OR4K2: variants seen among roughly 807,000 people sequenced by gnomAD.
OR4K2 encodes olfactory receptor 4K2.
In OR4K2, 8 loss-of-function variants were observed where a neutral mutation model predicts 10.5. The ratio of observed to expected loss-of-function variants is 0.76; its 90% CI spans 0.45 to 1.37. The LOEUF is 1.37. Ranked by LOEUF, OR4K2 falls within the 40% of genes most tolerant of loss-of-function variation. The pLI, the probability that OR4K2 is intolerant of heterozygous loss-of-function variation, is 0.00. For synonymous variants in OR4K2, 178 were observed against 133.6 expected, an observed-to-expected ratio of 1.33 and a Z score of -2.29; for missense variants, 547 against 379.5, an observed-to-expected ratio of 1.44 and a Z score of -3.67.
intron 1 of OR4K2, 24 bp from the exon 2 acceptor site, chr14:19,876,214 CTTTTTTT>C (rs35601631): frequency 3.7e-4 from 239 of 641,748 alleles, no homozygotes; most frequent in East Asian, 5.0e-4. Context: ...TCTGACTTTC[CTTTTTTT>C]TTTTTTTTTT....
In OR4K2 at chr14:19,876,934, GT is replaced by G; in HGVS notation, c.669del (p.Thr224LeufsTer2). ...ATTTAATTCATATGTTATTGTCCTG[GT>G]TACTGTGAAGCATCATTCTTCCAGA... The part of the protein sequence containing the change: ...VLFNSYVIVL[V>X]TVKHHSSRGS... On this transcript the variant is annotated frameshift_variant, in exon 2 of 2. Transcript: ENST00000641885. LOFTEE classifies it high-confidence loss of function. 6.2e-7 allele frequency: 1 copy of G among 1,614,048 alleles called. No individual in the cohort carries two copies. Among genetic ancestry groups the G allele is most frequent in the Non-Finnish European group, 8.5e-7 (1 of 1,179,976 alleles).
rs2138532853 is a variant in OR4K2, at chr14:19,879,291, A to G, written c.*2079A>G. The G allele has an allele frequency of 6.6e-6, 1 of 152,322 alleles. No homozygotes were observed. The highest frequency in any genetic ancestry group is 2.1e-4 in the South Asian group (1 of 4,830). 9.4% of individuals were successfully genotyped at this position (152,322 alleles called of 1,614,324 possible). On this transcript the variant is annotated 3_prime_UTR_variant, in exon 2 of 2. Transcript: ENST00000641885. ...TGTTATATAAACACTTAAAAATCTTAGTTAGGACTTTAGGACTCATGGTGG... is the reference window on the plus strand; with the variant it reads ...TGTTATATAAACACTTAAAAATCTTGGTTAGGACTTTAGGACTCATGGTGG...
In OR4K2 at chr14:19,877,769, TA is replaced by T. The variant is rs554736587; in HGVS notation, c.*561del. 130 of 152,782 alleles carry T rather than the reference TA, an allele frequency of 8.5e-4. No individual in the cohort carries two copies. Among genetic ancestry groups the T allele is most frequent in the African/African-American group, 3.0e-3 (123 of 41,560 alleles). The allele number at this position is 152,782 out of a possible 1,614,324, so 9.5% of individuals were successfully genotyped here. A position where few individuals can be genotyped will look rare whatever the true frequency, so the allele number is the denominator to read the frequency against. Reference sequence around the variant, plus strand: ...TTATTTCGAATGTTAATGACGTCCATAAAATTGCCGTAAGTGTAGCAATCTT... The same window carrying T: ...TTATTTCGAATGTTAATGACGTCCATAAATTGCCGTAAGTGTAGCAATCTT... On this transcript the variant is annotated 3_prime_UTR_variant, in exon 2 of 2. Transcript: ENST00000641885.
In OR4K2 at chr14:19,881,567, T is replaced by C. The variant is rs1881036789; in HGVS notation, c.*4355T>C. On this transcript the variant is annotated 3_prime_UTR_variant, in exon 2 of 2. Coordinates refer to ENST00000641885, the MANE Select transcript of OR4K2 (RefSeq NM_001005501.2). ...ATACTATAGTTTCATTTTTATTTTT[T>C]ACTCTGATAATTTACACTGCCAATA... 1 of 152,078 alleles carries C rather than the reference T, an allele frequency of 6.6e-6. No homozygotes were observed. Among genetic ancestry groups the C allele is most frequent in the African/African-American group, 2.4e-5 (1 of 41,394 alleles). The allele number at this position is 152,078 out of a possible 1,614,324, so 9.4% of individuals were successfully genotyped here.
Position 19,876,552 on chromosome 14 carries a change from T to A in OR4K2, c.285T>A (p.Asp95Glu). ...YLTGHKTISF[D>E]GCLTQIFFLH... ...CAGGTCACAAAACCATCTCTTTTGA[T>A]GGCTGCCTTACCCAGATATTCTTTC... Residue 95 changes from aspartate (D) to glutamate (E), a missense_variant, in exon 2 of 2, where the codon GAT (aspartate) becomes GAA (glutamate). Asp to Glu is a conservative substitution (Grantham distance 45). Coordinates refer to ENST00000641885, the MANE Select transcript of OR4K2 (RefSeq NM_001005501.2). The A allele has an allele frequency of 6.2e-7, 1 of 1,614,224 alleles. No homozygotes were observed.
chr14:19,876,976 C>G lies in OR4K2; in HGVS notation c.709C>G (p.Leu237Val), dbSNP rs555980407. 1 of 1,614,000 alleles carries G rather than the reference C, an allele frequency of 6.2e-7. No homozygotes were observed. Among genetic ancestry groups the G allele is most frequent in the African/African-American group, 1.3e-5 (1 of 75,034 alleles). The change falls in exon 2 of 2, where the codon CTT becomes GTT. Residue 237 changes from leucine (L) to valine (V), a missense_variant. Transcript: ENST00000641885. ...HHSSRGSSKA[L>V]STCTAHFIVV... ...TTCTTCCAGAGGATCATCTAAGGCC[C>G]TTTCTACTTGTACAGCTCATTTCAT...
At position 19,881,426 on chromosome 14, in the gene OR4K2, A is replaced by G. The variant is rs1044478533; in HGVS notation, c.*4214A>G. The G allele has an allele frequency of 6.6e-6, 1 of 152,192 alleles. No homozygotes were observed. The highest frequency in any genetic ancestry group is 1.5e-5 in the Non-Finnish European group (1 of 68,036). The allele number at this position is 152,192 out of a possible 1,614,324, so 9.4% of individuals were successfully genotyped here. A position where few individuals can be genotyped will look rare whatever the true frequency, so the allele number is the denominator to read the frequency against. ...TGAGACTGGAAATGTGACTGGGATC[A>G]TTGATTCATGTATTCTGTCTCTATT... On this transcript the variant is annotated 3_prime_UTR_variant, in exon 2 of 2. Coordinates refer to ENST00000641885, the MANE Select transcript of OR4K2 (RefSeq NM_001005501.2).
In OR4K2 at chr14:19,878,354, A is replaced by T. The variant is rs971273109; in HGVS notation, c.*1142A>T. On this transcript the variant is annotated 3_prime_UTR_variant, in exon 2 of 2. Coordinates refer to ENST00000641885, the MANE Select transcript of OR4K2 (RefSeq NM_001005501.2). ...TTAACTCTTATTTAGAATTTTCTAA[A>T]TGATATTGATAAAATATAGTGTCTT... The T allele has an allele frequency of 5.9e-5, 9 of 152,214 alleles. No homozygotes were observed. Among genetic ancestry groups the T allele is most frequent in the Non-Finnish European group, 1.2e-4 (8 of 68,014 alleles). 9.4% of individuals were successfully genotyped at this position (152,214 alleles called of 1,614,324 possible). A position where few individuals can be genotyped will look rare whatever the true frequency, so the allele number is the denominator to read the frequency against.
At position 19,882,534 on chromosome 14, in the gene OR4K2, C is replaced by T. The variant is rs1200312871; in HGVS notation, c.*5322C>T. ...GCTTAATGAAATATTACAAGGCAAA[C>T]ACCATTATAATCACATTTCAAGTCA... On this transcript the variant is annotated 3_prime_UTR_variant, in exon 2 of 2. Coordinates refer to ENST00000641885, the MANE Select transcript of OR4K2 (RefSeq NM_001005501.2). 6.6e-6 allele frequency: 1 copy of T among 152,194 alleles called. No individual in the cohort carries two copies. The highest frequency in any genetic ancestry group is 1.5e-5 in the Non-Finnish European group (1 of 68,034). 9.4% of individuals were successfully genotyped at this position (152,194 alleles called of 1,614,324 possible).
In OR4K2 at chr14:19,881,127, T is replaced by A. The variant is rs565305618; in HGVS notation, c.*3915T>A. 2 of 152,256 alleles carry A rather than the reference T, an allele frequency of 1.3e-5. No individual in the cohort carries two copies. Among genetic ancestry groups the A allele is most frequent in the Non-Finnish European group, 2.9e-5 (2 of 68,034 alleles). 9.4% of individuals were successfully genotyped at this position (152,256 alleles called of 1,614,324 possible). A position where few individuals can be genotyped will look rare whatever the true frequency, so the allele number is the denominator to read the frequency against. On this transcript the variant is annotated 3_prime_UTR_variant, in exon 2 of 2. Coordinates refer to ENST00000641885, the MANE Select transcript of OR4K2 (RefSeq NM_001005501.2). ...AGAGAGTTGGAGTAATCCTCCTATT[T>A]CCCTATTCTTTCCCTGATATTATTT...
At position 19,881,135 on chromosome 14, in the gene OR4K2, CTTTCCCTGATATTATTTTG is replaced by C. The variant is rs1401880944; in HGVS notation, c.*3924_*3942del. The C allele has an allele frequency of 1.3e-5, 2 of 152,236 alleles. No individual in the cohort carries two copies. Among genetic ancestry groups the C allele is most frequent in the Non-Finnish European group, 2.9e-5 (2 of 68,024 alleles). 9.4% of individuals were successfully genotyped at this position (152,236 alleles called of 1,614,324 possible). ...GGAGTAATCCTCCTATTTCCCTATT[CTTTCCCTGATATTATTTTG>C]CATGATTTTTGGATGTATATGTCAA... On this transcript the variant is annotated 3_prime_UTR_variant, in exon 2 of 2. Transcript: ENST00000641885.
chr14:19,880,235 G>T lies in OR4K2; in HGVS notation c.*3023G>T, dbSNP rs78451017. ...GTAGTTTTAAAAGTCTTAGACTCTG[G>T]TATCTTTTTTTTTTTTAAACAGTGT... On this transcript the variant is annotated 3_prime_UTR_variant, in exon 2 of 2. Transcript: ENST00000641885. 7.9e-4 allele frequency: 120 copies of T among 152,176 alleles called. 1 individual carries two copies. Among genetic ancestry groups the T allele is most frequent in the African/African-American group, 2.8e-3 (114 of 41,442 alleles). The allele number at this position is 152,176 out of a possible 1,614,324, so 9.4% of individuals were successfully genotyped here.
At chr14:19,876,214 CTTTTTTTT>C in intron 1 of OR4K2, 23 bp from the exon 2 acceptor site, 35 of 637,828 alleles carry the variant, frequency 5.5e-5, no homozygotes, top group East Asian at 9.5e-5. Flanking sequence ...TCTGACTTTC[CTTTTTTTT>C]TTTTTTTTTT....
In OR4K2 at chr14:19,876,955, TC is replaced by T; in HGVS notation, c.690del (p.Arg231GlufsTer32). The T allele has an allele frequency of 6.2e-7, 1 of 1,614,096 alleles. No homozygotes were observed. The highest frequency in any genetic ancestry group is 1.1e-5 in the South Asian group (1 of 91,082). On this transcript the variant is annotated frameshift_variant, in exon 2 of 2. Coordinates refer to ENST00000641885, the MANE Select transcript of OR4K2 (RefSeq NM_001005501.2). LOFTEE classifies it high-confidence loss of function. Reference sequence around the variant, plus strand: ...CCTGGTTACTGTGAAGCATCATTCTTCCAGAGGATCATCTAAGGCCCTTTCT... The same window carrying T: ...CCTGGTTACTGTGAAGCATCATTCTTCAGAGGATCATCTAAGGCCCTTTCT... The part of the protein sequence containing the change: ...IVLVTVKHHS[S>X]RGSSKALSTC...
Position 19,880,537 on chromosome 14 carries a change from T to G in OR4K2, c.*3325T>G, listed in dbSNP as rs1881011710. Reference sequence around the variant, plus strand: ...GTTTAATTTAAAAGGTAAATTTTCATTTATATGTTTTAAATATTCATGTCT... The same window carrying G: ...GTTTAATTTAAAAGGTAAATTTTCAGTTATATGTTTTAAATATTCATGTCT... On this transcript the variant is annotated 3_prime_UTR_variant, in exon 2 of 2. Coordinates refer to ENST00000641885, the MANE Select transcript of OR4K2 (RefSeq NM_001005501.2). 1 of 152,258 alleles carries G rather than the reference T, an allele frequency of 6.6e-6. No individual in the cohort carries two copies. The highest frequency in any genetic ancestry group is 1.5e-5 in the Non-Finnish European group (1 of 68,038). 9.4% of individuals were successfully genotyped at this position (152,258 alleles called of 1,614,324 possible).
In OR4K2 at chr14:19,882,829, CT is replaced by C. The variant is rs369726984; in HGVS notation, c.*5633del. 14,205 of 121,900 alleles carry C rather than the reference CT, an allele frequency of 0.12. 362 individuals are homozygous for C. The highest frequency in any genetic ancestry group is 0.17 in the Middle Eastern group (42 of 242). 7.6% of individuals were successfully genotyped at this position (121,900 alleles called of 1,614,324 possible). A position where few individuals can be genotyped will look rare whatever the true frequency, so the allele number is the denominator to read the frequency against. On this transcript the variant is annotated 3_prime_UTR_variant, in exon 2 of 2. Transcript: ENST00000641885. The stretch of plus-strand genomic sequence containing the variant: ...TTATCTTTCTTTTTCTTTTTTTTTT[CT>C]TTTTTTTTTTTTTTTGAGACGGAGT...
In OR4K2 at chr14:19,881,242, C is replaced by G. The variant is rs1055001906; in HGVS notation, c.*4030C>G. The G allele has an allele frequency of 5.3e-5, 8 of 152,240 alleles. No homozygotes were observed. Among genetic ancestry groups the G allele is most frequent in the African/African-American group, 1.9e-4 (8 of 41,470 alleles). The allele number at this position is 152,240 out of a possible 1,614,324, so 9.4% of individuals were successfully genotyped here. On this transcript the variant is annotated 3_prime_UTR_variant, in exon 2 of 2. Coordinates refer to ENST00000641885, the MANE Select transcript of OR4K2 (RefSeq NM_001005501.2). ...AATTCATGTGAACTTCTTGCATGTA[C>G]TCTCAGATGCCAATGAAATCCGCTA...
Position 19,877,309 on chromosome 14 carries a change from C to G in OR4K2, c.*97C>G. On this transcript the variant is annotated 3_prime_UTR_variant, in exon 2 of 2. Coordinates refer to ENST00000641885, the MANE Select transcript of OR4K2 (RefSeq NM_001005501.2). Reference sequence around the variant, plus strand: ...TAATTGCCAAGAATTTGTGAGGGCTCAAGTTCAGTGCATTTTGAAACTATT... The same window carrying G: ...TAATTGCCAAGAATTTGTGAGGGCTGAAGTTCAGTGCATTTTGAAACTATT... 2 of 824,034 alleles carry G rather than the reference C, an allele frequency of 2.4e-6. No individual in the cohort carries two copies. The highest frequency in any genetic ancestry group is 3.5e-5 in the African/African-American group (2 of 57,534). 51.0% of individuals were successfully genotyped at this position (824,034 alleles called of 1,614,324 possible). A position where few individuals can be genotyped will look rare whatever the true frequency, so the allele number is the denominator to read the frequency against.
rs1881050116 is a variant in OR4K2 at position 19,882,059 on chromosome 14, TTCCA to T, written c.*4848_*4851del. ...GGAGGCTGCAACTGGAGCTATTGTG[TTCCA>T]GAGCACATTACCCCAGTAATGTGAT... is the stretch of plus-strand genomic sequence containing the variant. On this transcript the variant is annotated 3_prime_UTR_variant, in exon 2 of 2. Coordinates refer to ENST00000641885, the MANE Select transcript of OR4K2 (RefSeq NM_001005501.2). The T allele has an allele frequency of 6.6e-6, 1 of 152,256 alleles. No individual in the cohort carries two copies. The highest frequency in any genetic ancestry group is 2.4e-5 in the African/African-American group (1 of 41,442). 9.4% of individuals were successfully genotyped at this position (152,256 alleles called of 1,614,324 possible).
Sources: allele counts gnomAD v4.1 joint callset, GRCh38; gene constraint gnomAD v4.1.1; transcripts MANE v1.5; gene names NCBI Gene and HGNC (gene_info 2026-07-23, HGNC 2026-07-21).